Variants in ZMIZ1 observed in about 807,000 individuals in gnomAD.
ZMIZ1 encodes the protein zinc finger MIZ domain-containing protein 1.
A neutral mutation model predicts 113.9 loss-of-function variants in ZMIZ1; 17 were observed. The observed-to-expected ratio is 0.15, with a 90% CI of 0.10 to 0.22. ZMIZ1 has a LOEUF of 0.22. Ranked by LOEUF, ZMIZ1 falls within the 10% of genes least tolerant of loss-of-function variation. The pLI, the probability that ZMIZ1 is intolerant of heterozygous loss-of-function variation, is 1.00. For missense variants in ZMIZ1, 1,059 were observed against 1,477.8 expected (o/e 0.72, Z 4.65); for synonymous variants, 607 against 603.1 (o/e 1.01, Z -0.09).
intron 1 of ZMIZ1, among the ~76,000 whole-genome samples, chr10:79,103,430 C>T (rs1217148194): frequency 2.6e-5 from 4 of 151,776 alleles, no homozygotes; most frequent in Admixed American, 6.6e-5. Flanking sequence ...CAGATCCGCA[C>T]GCGGGGAGGG....
At chr10:79,269,743 T>C (rs1851835875) in intron 7 of ZMIZ1, among the ~76,000 whole-genome samples, 1 of 152,190 alleles carries the variant, frequency 6.6e-6, no homozygotes, top group African/African-American at 2.4e-5. Flanking sequence ...GGCTTCTCAC[T>C]GTCCGCACCT....
intron 4 of ZMIZ1, among the ~76,000 whole-genome samples, chr10:79,182,700 C>T (rs955654568): frequency 2.0e-5 from 3 of 152,198 alleles, no homozygotes; most frequent in African/African-American, 4.8e-5. Context: ...GAAAACACAG[C>T]GGAGTGGTTC....
intron 1 of ZMIZ1, among the ~76,000 whole-genome samples, chr10:79,096,766 G>A (rs1434283508): frequency 6.6e-6 from 1 of 152,192 alleles, no homozygotes; most frequent in Non-Finnish European, 1.5e-5. Flanking sequence ...GAACAGATAA[G>A]ATCCCTGTCT....
chr10:79,088,583 A>G (rs146455363), intron 1 of ZMIZ1, among the ~76,000 whole-genome samples: 1 of 152,156 alleles, frequency 6.6e-6, no homozygotes, highest in East Asian at 1.9e-4. Flanking sequence ...ACCTTCACCA[A>G]CCTTCCCTGG....
chr10:79,093,135 AACACACAC>A (rs5786379), intron 1 of ZMIZ1, among the ~76,000 whole-genome samples: 37 of 107,982 alleles, frequency 3.4e-4, no homozygotes, highest in Middle Eastern at 9.5e-3. Flanking sequence ...CCCCACCCCC[AACACACAC>A]ACACACACAC....
intron 2 of ZMIZ1, among the ~76,000 whole-genome samples, chr10:79,126,644 G>A (rs1294101785): frequency 6.6e-6 from 1 of 152,208 alleles, no homozygotes; most frequent in African/African-American, 2.4e-5. Flanking sequence ...GGTTGGAGAC[G>A]GCAGAAGGAA....
chr10:79,275,338 A>G (rs1294403302), intron 7 of ZMIZ1, among the ~76,000 whole-genome samples: 1 of 152,196 alleles, frequency 6.6e-6, no homozygotes, highest in Non-Finnish European at 1.5e-5. Context: ...GGCAGGACAC[A>G]TCTTTTAAGA....
rs1022370059 is a variant in ZMIZ1 at position 79,118,027 on chromosome 10, G to A, written c.-336-888G>A. Among the ~76,000 whole-genome samples, 3 of 147,246 alleles carry A rather than the reference G, an allele frequency of 2.0e-5. No individual in the cohort carries two copies. Among genetic ancestry groups the A allele is most frequent in the African/African-American group, 8.2e-5 (3 of 36,800 alleles). On this transcript the variant is annotated intron_variant, in intron 1 of 24. Coordinates refer to ENST00000334512, the MANE Select transcript of ZMIZ1 (RefSeq NM_020338.4). This position sits in a 1 kb window ranked among gnomAD's most constrained non-coding sequence, Gnocchi z 4.1. Reference sequence around the variant, plus strand: ...CCAGGGGTCTGCAGATGCAGGAACTGGGGGGAGACAGCCACACAGCCTCCA... The same window carrying A: ...CCAGGGGTCTGCAGATGCAGGAACTAGGGGGAGACAGCCACACAGCCTCCA...
Position 79,316,018 on chromosome 10 carries a change from A to G in ZMIZ1, c.*3269A>G, listed in dbSNP as rs1855513995. 6.5e-6 allele frequency: 1 copy of G among 152,738 alleles called. No individual in the cohort carries two copies. Among genetic ancestry groups the G allele is most frequent in the East Asian group, 1.9e-4 (1 of 5,344 alleles). The allele number at this position is 152,738 out of a possible 1,614,324, so 9.5% of individuals were successfully genotyped here. ...TGTTTTTATTTTACCTACATGTACT[A>G]TTTAGCTTCAGTGTACTAGTCCTGC... On this transcript the variant is annotated 3_prime_UTR_variant, in exon 25 of 25. Transcript: ENST00000334512.
chr10:79,302,901 G>A (rs1400866431), intron 18 of ZMIZ1, among the ~76,000 whole-genome samples: 5 of 131,074 alleles, frequency 3.8e-5, no homozygotes, highest in African/African-American at 1.4e-4. Flanking sequence ...TTGCTCTGTC[G>A]TCCAGGCTGG....
intron 7 of ZMIZ1, among the ~76,000 whole-genome samples, chr10:79,232,238 AGT>A (rs949094451): frequency 3.3e-5 from 5 of 152,300 alleles, no homozygotes; most frequent in Admixed American, 3.3e-4. Context: ...GTGAAAACTC[AGT>A]GTCTTATTTG....
intron 3 of ZMIZ1, among the ~76,000 whole-genome samples, chr10:79,146,945 C>CGTGT (rs66763458): frequency 5.8e-5 from 8 of 137,826 alleles, no homozygotes; most frequent in Non-Finnish European, 8.1e-5. Context: ...GTGTAGTGTA[C>CGTGT]GTGTGTGTGT....
At chr10:79,193,665 G>A (rs948712973) in intron 4 of ZMIZ1, among the ~76,000 whole-genome samples, 1 of 152,192 alleles carries the variant, frequency 6.6e-6, no homozygotes, top group African/African-American at 2.4e-5. Flanking sequence ...TGCTACGATG[G>A]GGGTGTGTGA....
At chr10:79,187,895 A>T (rs1441314875) in intron 4 of ZMIZ1, among the ~76,000 whole-genome samples, 2 of 152,054 alleles carry the variant, frequency 1.3e-5, no homozygotes, top group Non-Finnish European at 2.9e-5. Flanking sequence ...TAGTGTGGAG[A>T]TAGCTTGGTT....
At chr10:79,245,530 G>T (rs912082514) in intron 7 of ZMIZ1, among the ~76,000 whole-genome samples, 1 of 152,196 alleles carries the variant, frequency 6.6e-6, no homozygotes, top group African/African-American at 2.4e-5. Context: ...ACGGGGTCGG[G>T]GGGCAGAGGG....
intron 4 of ZMIZ1, among the ~76,000 whole-genome samples, chr10:79,191,828 C>T (rs1439260523): frequency 1.3e-5 from 2 of 152,232 alleles, no homozygotes; most frequent in African/African-American, 2.4e-5. Flanking sequence ...TCAGTTTCTT[C>T]ATCTGTAGTA....
chr10:79,132,255 C>T (rs1326837752), intron 2 of ZMIZ1, among the ~76,000 whole-genome samples: 1 of 152,184 alleles, frequency 6.6e-6, no homozygotes, highest in Non-Finnish European at 1.5e-5. Flanking sequence ...GAGGGAAGGG[C>T]TGCTTGTCCA....
At chr10:79,302,817 C>A (rs1854405157) in intron 18 of ZMIZ1, among the ~76,000 whole-genome samples, 1 of 150,920 alleles carries the variant, frequency 6.6e-6, no homozygotes, top group Non-Finnish European at 1.5e-5. Context: ...CCTCAGCCTC[C>A]CAAGGAGTTG....
intron 23 of ZMIZ1, among the ~76,000 whole-genome samples, chr10:79,310,096 G>C (rs1266736821): frequency 6.6e-6 from 1 of 152,176 alleles, no homozygotes; most frequent in African/African-American, 2.4e-5. Context: ...TTATCTGTTA[G>C]AGAGGCACCG....
Sources: allele counts gnomAD v4.1 joint callset (sites outside exome capture counted in the v4.1 genomes callset), GRCh38; gene constraint gnomAD v4.1.1; non-coding constraint Gnocchi (gnomAD v3.1); transcripts MANE v1.5; gene names NCBI Gene and HGNC (gene_info 2026-07-23, HGNC 2026-07-21).